CIROZ: variants seen among roughly 807,000 people sequenced by gnomAD.
CIROZ encodes ciliated left-right organizer protein containing ZP-N domains, also known as ciliated left-right organizer ZP-N domains-containing protein.
the CIROZ span, among the ~76,000 whole-genome samples, chr1:10,956,818 C>CCA: frequency 1.3e-5 from 2 of 152,142 alleles, no homozygotes; most frequent in African/African-American, 4.8e-5. Flanking sequence ...CACCCCTACT[C>CCA]CACACACACA....
the CIROZ span, among the ~76,000 whole-genome samples, chr1:10,972,032 T>A: frequency 1.3e-5 from 2 of 152,342 alleles, no homozygotes; most frequent in East Asian, 1.9e-4. Flanking sequence ...CCCCAACACC[T>A]TGCCCTGTGC....
the CIROZ span, among the ~76,000 whole-genome samples, chr1:10,975,408 A>G: frequency 7.6e-4 from 47 of 61,468 alleles, 1 homozygote; most frequent in Non-Finnish European, 6.0e-4. Flanking sequence ...TCTGTCTCAG[A>G]AAAAAAAAAA....
chr1:10,947,906 G>A, the CIROZ span: 1 of 1,613,712 alleles, frequency 6.2e-7, no homozygotes, highest in East Asian at 2.2e-5. Context: ...ACTCCTCCTG[G>A]CCCACAGGCC....
chr1:10,962,692 C>T, the CIROZ span, among the ~76,000 whole-genome samples: 7 of 152,324 alleles, frequency 4.6e-5, no homozygotes, highest in South Asian at 1.4e-3. Context: ...CTCCTAATCT[C>T]TCTCTGCTTA....
the CIROZ span, among the ~76,000 whole-genome samples, chr1:10,959,161 A>T: frequency 5.5e-4 from 84 of 152,240 alleles, no homozygotes; most frequent in African/African-American, 1.8e-3. This position sits in a 1 kb window ranked among gnomAD's most constrained non-coding sequence, Gnocchi z 4.3. Flanking sequence ...TCCAACTAGC[A>T]GAAGTAGAGA....
the CIROZ span, chr1:10,976,022 C>G: frequency 7.4e-6 from 5 of 677,314 alleles, no homozygotes; most frequent in South Asian, 9.5e-5. Context: ...CTGAAATCCA[C>G]GCTTTGGTGA....
chr1:10,954,429 G>A, the CIROZ span, among the ~76,000 whole-genome samples: 1 of 149,486 alleles, frequency 6.7e-6, no homozygotes, highest in African/African-American at 2.5e-5. Flanking sequence ...ACTCCAGCCT[G>A]GGCAACAGAG....
chr1:10,980,341 A>G, the CIROZ span, among the ~76,000 whole-genome samples: 5 of 152,236 alleles, frequency 3.3e-5, no homozygotes, highest in Non-Finnish European at 7.3e-5. Flanking sequence ...GCCCCGCTTC[A>G]TTCGCTGAAT....
the CIROZ span, among the ~76,000 whole-genome samples, chr1:10,952,986 TCA>T: frequency 6.6e-6 from 1 of 152,308 alleles, no homozygotes; most frequent in Non-Finnish European, 1.5e-5. Context: ...ATTAATGTCA[TCA>T]CTGCAGGAAA....
the CIROZ span, among the ~76,000 whole-genome samples, chr1:10,979,079 C>T: frequency 9.2e-5 from 14 of 152,096 alleles, no homozygotes; most frequent in Non-Finnish European, 1.0e-4. Flanking sequence ...GCAATCTCTG[C>T]TTCTCAGATT....
At chr1:10,978,271 A>G in the CIROZ span, among the ~76,000 whole-genome samples, 1 of 150,416 alleles carries the variant, frequency 6.6e-6, no homozygotes, top group African/African-American at 2.4e-5. Flanking sequence ...CTGGTCTCAA[A>G]CTCCTAAGCT....
the CIROZ span, among the ~76,000 whole-genome samples, chr1:10,977,870 A>G: frequency 6.6e-6 from 1 of 152,110 alleles, no homozygotes; most frequent in East Asian, 1.9e-4. Flanking sequence ...ATTTTTGTTT[A>G]TTCCAAATTT....
the CIROZ span, chr1:10,954,243 C>A: frequency 7.5e-7 from 1 of 1,331,002 alleles, no homozygotes; most frequent in South Asian, 1.4e-5. Flanking sequence ...ATCATGAGGT[C>A]AGGAGATCGA....
At chr1:10,951,768 A>G in the CIROZ span, among the ~76,000 whole-genome samples, 2 of 145,796 alleles carry the variant, frequency 1.4e-5, no homozygotes, top group East Asian at 2.0e-4. Flanking sequence ...ATATATATGC[A>G]CACACACACA....
At chr1:10,975,203 C>T in the CIROZ span, among the ~76,000 whole-genome samples, 3 of 151,926 alleles carry the variant, frequency 2.0e-5, no homozygotes, top group Non-Finnish European at 2.9e-5. Flanking sequence ...GTCAGGAGTT[C>T]GAGGCCAGCC....
chr1:10,958,921 GGACTC>G, the CIROZ span, among the ~76,000 whole-genome samples: 23 of 152,242 alleles, frequency 1.5e-4, no homozygotes, highest in African/African-American at 4.8e-4. Flanking sequence ...TTATGTTCTG[GGACTC>G]GAGTGTCAAC....
At chr1:10,955,827 A>G in the CIROZ span, among the ~76,000 whole-genome samples, 2 of 147,586 alleles carry the variant, frequency 1.4e-5, no homozygotes, top group Non-Finnish European at 3.0e-5. Context: ...CTGGGCAACA[A>G]GAGTGAAACT....
the CIROZ span, chr1:10,947,774 G>A: frequency 4.4e-6 from 7 of 1,597,850 alleles, no homozygotes; most frequent in Non-Finnish European, 6.0e-6. Context: ...GCTGGAGTGA[G>A]GCCCCCCGGC....
chr1:10,976,309 C>A, the CIROZ span: 9 of 1,029,324 alleles, frequency 8.7e-6, no homozygotes, highest in Non-Finnish European at 1.1e-5. Context: ...GCTGCTGCCT[C>A]ATCTACCTTC....
Sources: gnomAD v4.1 joint callset for allele counts (sites outside exome capture counted in the v4.1 genomes callset) on GRCh38, gnomAD v4.1.1 for gene constraint, Gnocchi (gnomAD v3.1) non-coding constraint, MANE v1.5 for transcripts, NCBI Gene and HGNC (gene_info 2026-07-23, HGNC 2026-07-21) for gene names.